DSCAM: variants seen among roughly 807,000 people sequenced by gnomAD.
DSCAM encodes DS cell adhesion molecule.
In DSCAM, 47 loss-of-function variants were observed where a neutral mutation model predicts 217.7. That is an observed-to-expected ratio of 0.22 (90% CI 0.17 to 0.28). The LOEUF is 0.28. Ranked by LOEUF, DSCAM falls within the 10% of genes least tolerant of loss-of-function variation. The pLI, the probability that DSCAM is intolerant of heterozygous loss-of-function variation, is 1.00. For missense variants in DSCAM, 2,080 were observed against 2,618.3 expected, an observed-to-expected ratio of 0.79 and a Z score of 4.49; for synonymous variants, 1,056 against 1,015.3, an observed-to-expected ratio of 1.04 and a Z score of -0.76.
intron 3 of DSCAM, among the ~76,000 whole-genome samples, chr21:40,473,012 G>A (rs16999832): frequency 0.14 from 20,754 of 152,100 alleles, 1,542 homozygotes; most frequent in Middle Eastern, 0.2. Flanking sequence ...CTGGCAAAGC[G>A]GACGGTCCAT....
At chr21:40,483,179 C>T (rs991085042) in intron 3 of DSCAM, among the ~76,000 whole-genome samples, 1 of 152,228 alleles carries the variant, frequency 6.6e-6, no homozygotes, top group Non-Finnish European at 1.5e-5. Flanking sequence ...GCAGGTGCAT[C>T]TGCAGAAAAG....
At chr21:40,545,913 A>G (rs1388863182) in intron 3 of DSCAM, among the ~76,000 whole-genome samples, 1 of 152,228 alleles carries the variant, frequency 6.6e-6, no homozygotes, top group Non-Finnish European at 1.5e-5. Flanking sequence ...AGTCAGGTCC[A>G]GTCTGGGCTT....
intron 15 of DSCAM, among the ~76,000 whole-genome samples, chr21:40,173,983 A>G (rs1469843137): frequency 1.3e-5 from 2 of 152,208 alleles, no homozygotes; most frequent in South Asian, 2.1e-4. Flanking sequence ...CAAGGCACTA[A>G]GTGACTCATG....
chr21:40,398,278 G>T (rs963233206), intron 3 of DSCAM, among the ~76,000 whole-genome samples: 5 of 152,070 alleles, frequency 3.3e-5, no homozygotes, highest in African/African-American at 1.2e-4. Context: ...GAAGTTCAAG[G>T]TCCCCTTAAA....
chr21:40,635,198 GGA>G (rs1288276068), intron 3 of DSCAM, among the ~76,000 whole-genome samples: 4 of 152,108 alleles, frequency 2.6e-5, no homozygotes, highest in Admixed American at 2.6e-4. Flanking sequence ...CCCATCGACA[GGA>G]GAGAAAGGGG....
chr21:40,030,778 T>C (rs2088506995), intron 32 of DSCAM, among the ~76,000 whole-genome samples: 1 of 152,120 alleles, frequency 6.6e-6, no homozygotes, highest in South Asian at 2.1e-4. Context: ...TAAGGGCTCT[T>C]ATAGAATTTC....
chr21:40,055,834 A>T lies in DSCAM; in HGVS notation c.4926T>A (p.Asn1642Lys). 3 of 1,612,566 alleles carry T rather than the reference A, an allele frequency of 1.9e-6. No homozygotes were observed. Among genetic ancestry groups the T allele is most frequent in the Non-Finnish European group, 2.5e-6 (3 of 1,178,608 alleles). ...TGCTTAACGTATCTGAAGTCCGGGT[A>T]TTCTTACTGGGAATAAAATGGGGTA... ...KSLAEMLMSK[N>K]TRTSDTLSKQ... Residue 1642 changes from asparagine to lysine, a missense_variant, in exon 29 of 33, where the codon AAT becomes AAA. Around this residue, in one of 5 missense-constraint regions of DSCAM, gnomAD observed 1,144 missense variants for 1,421.1 expected, o/e 0.81. Transcript: ENST00000400454.
At chr21:40,396,586 C>T (rs935171051) in intron 3 of DSCAM, among the ~76,000 whole-genome samples, 1 of 152,074 alleles carries the variant, frequency 6.6e-6, no homozygotes, top group African/African-American at 2.4e-5. Context: ...TGGTTGTGGC[C>T]ACTGGTCTGT....
intron 3 of DSCAM, among the ~76,000 whole-genome samples, chr21:40,499,796 T>C (rs1250696858): frequency 6.6e-6 from 1 of 152,152 alleles, no homozygotes; most frequent in African/African-American, 2.4e-5. Context: ...TCTTTTTCTT[T>C]TGGAGACAGT....
intron 3 of DSCAM, among the ~76,000 whole-genome samples, chr21:40,511,990 CAA>C (rs780829574): frequency 5.2e-4 from 14 of 26,786 alleles, no homozygotes; most frequent in African/African-American, 5.5e-4. Flanking sequence ...GACTCTGTCT[CAA>C]AAAAAAAAAA....
chr21:40,604,642 CTTG>C (rs1464296977), intron 3 of DSCAM, among the ~76,000 whole-genome samples: 1 of 152,126 alleles, frequency 6.6e-6, no homozygotes, highest in Non-Finnish European at 1.5e-5. Flanking sequence ...ACTTTTCTCT[CTTG>C]TTGTCTTTGT....
intron 3 of DSCAM, among the ~76,000 whole-genome samples, chr21:40,409,251 A>G (rs1324750718): frequency 6.6e-6 from 1 of 152,216 alleles, no homozygotes; most frequent in Non-Finnish European, 1.5e-5. Flanking sequence ...CACTATAATC[A>G]CTTCCACATT....
chr21:40,792,975 C>G (rs762792405), intron 1 of DSCAM, among the ~76,000 whole-genome samples: 1 of 152,054 alleles, frequency 6.6e-6, no homozygotes, highest in Admixed American at 6.6e-5. Context: ...GATTCTCAGG[C>G]CATATTTAGT....
chr21:40,093,702 C>A lies in DSCAM; in HGVS notation c.3850+19G>T, dbSNP rs1468521718. Reference sequence around the variant, plus strand: ...GTCAAGTTACAACAGGAAATGAGGTCCTTATAGCCACTGCCTACCTTTTGC... The same window carrying A: ...GTCAAGTTACAACAGGAAATGAGGTACTTATAGCCACTGCCTACCTTTTGC... On this transcript the variant is annotated intron_variant, in intron 21 of 32. Coordinates refer to ENST00000400454, the MANE Select transcript of DSCAM (RefSeq NM_001389.5). The A allele has an allele frequency of 6.2e-7, 1 of 1,613,608 alleles. No homozygotes were observed. Among genetic ancestry groups the A allele is most frequent in the South Asian group, 1.1e-5 (1 of 91,010 alleles).
chr21:40,403,399 G>A (rs1305932393), intron 3 of DSCAM, among the ~76,000 whole-genome samples: 1 of 151,728 alleles, frequency 6.6e-6, no homozygotes, highest in Non-Finnish European at 1.5e-5. Context: ...CTGGGCTCAA[G>A]TGATCCTCCC....
intron 8 of DSCAM, among the ~76,000 whole-genome samples, chr21:40,319,908 A>G (rs1049312727): frequency 1.3e-5 from 2 of 152,240 alleles, no homozygotes; most frequent in Non-Finnish European, 2.9e-5. Context: ...AGGGACATGG[A>G]TGGAGCTGGA....
intron 1 of DSCAM, among the ~76,000 whole-genome samples, chr21:40,812,553 G>A (rs923657879): frequency 1.7e-4 from 26 of 152,268 alleles, no homozygotes; most frequent in African/African-American, 4.6e-4. Flanking sequence ...ACACTCTCAC[G>A]GTATGGCTAT....
At chr21:40,690,437 C>A (rs1196371941) in intron 3 of DSCAM, among the ~76,000 whole-genome samples, 2 of 152,182 alleles carry the variant, frequency 1.3e-5, no homozygotes, top group African/African-American at 4.8e-5. Context: ...TACAAACCAA[C>A]CAAAGCTTCT....
At chr21:40,317,778 C>T (rs2074215489) in intron 8 of DSCAM, among the ~76,000 whole-genome samples, 1 of 152,198 alleles carries the variant, frequency 6.6e-6, no homozygotes, top group African/African-American at 2.4e-5. Context: ...TGTGATCCAC[C>T]TGCCTTGGCC....
Sources: allele counts gnomAD v4.1 joint callset (sites outside exome capture counted in the v4.1 genomes callset), GRCh38; gene constraint gnomAD v4.1.1; regional missense constraint gnomAD v4.1.1; transcripts MANE v1.5; gene names NCBI Gene and HGNC (gene_info 2026-07-23, HGNC 2026-07-21).